Variants in PSD3 observed in about 807,000 individuals in gnomAD.
PSD3 encodes pleckstrin and Sec7 domain containing 3, also known as PH and SEC7 domain-containing protein 3.
Under a neutral mutation model 105.5 loss-of-function variants are expected in PSD3, and 49 were observed. The ratio of observed to expected loss-of-function variants is 0.46; its 90% CI spans 0.37 to 0.59. The LOEUF (loss-of-function observed/expected upper bound fraction) is 0.59, where lower values mean the gene tolerates loss of function less well. PSD3 is among the 20% of genes least tolerant of loss of function. The pLI, the probability that PSD3 is intolerant of heterozygous loss-of-function variation, is 0.00. For missense variants in PSD3, 1,561 were observed against 1,263.8 expected, an observed-to-expected ratio of 1.24 and a Z score of -3.57; for synonymous variants, 557 against 457.8, an observed-to-expected ratio of 1.22 and a Z score of -2.77.
In PSD3 at chr8:19,072,007, G is replaced by C. The variant is rs1051098143; in HGVS notation, c.324+12199C>G. Among the ~76,000 whole-genome samples, 5 of 152,006 alleles carry C rather than the reference G, an allele frequency of 3.3e-5. 1 individual carries two copies. Among genetic ancestry groups the C allele is most frequent in the Non-Finnish European group, 1.5e-5 (1 of 68,008 alleles). On this transcript the variant is annotated intron_variant, in intron 1 of 1. Transcript: ENST00000521475. ...TTCCAGGCGTAAGCCACCATGCCTG[G>C]TCTGCCTTCTACTTTTTAACCTTGT...
chr8:18,821,719 C>CACA (rs1563312321), intron 4 of PSD3, among the ~76,000 whole-genome samples: 1 of 20,232 alleles, frequency 4.9e-5, no homozygotes, highest in African/African-American at 9.7e-5. Flanking sequence ...ACACACACAC[C>CACA]CCAATAACAA....
chr8:18,680,123 A>C (rs995035598), intron 9 of PSD3, among the ~76,000 whole-genome samples: 2 of 152,230 alleles, frequency 1.3e-5, no homozygotes, highest in African/African-American at 4.8e-5. Context: ...GTTTTAAACC[A>C]TAAGTTAAAA....
chr8:18,748,570 G>A (rs1331138912), intron 9 of PSD3, among the ~76,000 whole-genome samples: 1 of 148,360 alleles, frequency 6.7e-6, no homozygotes, highest in Non-Finnish European at 1.5e-5. Context: ...TGAGGCAGGA[G>A]AATGGCGTGA....
chr8:18,649,698 T>G (rs1205997982), intron 10 of PSD3, among the ~76,000 whole-genome samples: 4 of 152,186 alleles, frequency 2.6e-5, no homozygotes, highest in Non-Finnish European at 5.9e-5. Context: ...AAATCTAATG[T>G]TGAATTGTAA....
chr8:19,010,576 A>G (rs935660495), intron 1 of PSD3, among the ~76,000 whole-genome samples: 7 of 152,200 alleles, frequency 4.6e-5, no homozygotes, highest in African/African-American at 1.4e-4. Flanking sequence ...AGCCACTACA[A>G]CACTACTTAA....
chr8:18,691,146 A>T (rs984395080), intron 9 of PSD3, among the ~76,000 whole-genome samples: 1 of 152,198 alleles, frequency 6.6e-6, no homozygotes, highest in African/African-American at 2.4e-5. Context: ...TGGGGGGAAA[A>T]ATCTTTAAAT....
intron 14 of PSD3, among the ~76,000 whole-genome samples, chr8:18,560,829 T>G (rs1202168058): frequency 2.0e-5 from 3 of 152,198 alleles, no homozygotes; most frequent in African/African-American, 7.2e-5. Context: ...AAACTTCATA[T>G]CGAAACTTAA....
intron 1 of PSD3, among the ~76,000 whole-genome samples, chr8:18,970,045 C>T (rs1488038008): frequency 4.9e-5 from 2 of 41,208 alleles, no homozygotes; most frequent in African/African-American, 7.4e-5. Context: ...GAAACAACCT[C>T]GGCCAGGTGC....
intron 1 of PSD3, among the ~76,000 whole-genome samples, chr8:19,059,311 T>C (rs999805332): frequency 9.9e-5 from 15 of 152,186 alleles, no homozygotes; most frequent in Non-Finnish European, 2.2e-4. Context: ...CCCCTTTACC[T>C]GCGTAGGAAG....
At chr8:18,596,360 A>C (rs867048772) in intron 12 of PSD3, among the ~76,000 whole-genome samples, 14 of 152,028 alleles carry the variant, frequency 9.2e-5, no homozygotes, top group African/African-American at 2.7e-4. Flanking sequence ...CAAAGTTAGC[A>C]CAGGAAAGAA....
At chr8:18,697,001 G>A (rs1369090221) in intron 9 of PSD3, among the ~76,000 whole-genome samples, 1 of 152,166 alleles carries the variant, frequency 6.6e-6, no homozygotes, top group East Asian at 1.9e-4. Context: ...TTGCCACTTT[G>A]CGGGGACAAC....
chr8:18,669,465 C>T (rs934328666), intron 9 of PSD3, among the ~76,000 whole-genome samples: 3 of 152,322 alleles, frequency 2.0e-5, no homozygotes, highest in African/African-American at 7.2e-5. Context: ...CACTTTGCAG[C>T]TATTATTAAG....
At chr8:18,711,514 G>C (rs775922455) in intron 9 of PSD3, among the ~76,000 whole-genome samples, 2 of 152,058 alleles carry the variant, frequency 1.3e-5, no homozygotes, top group Non-Finnish European at 2.9e-5. Flanking sequence ...AATGAACAAA[G>C]ATAAAAAAAT....
chr8:18,728,969 C>T (rs1326152053), intron 9 of PSD3, among the ~76,000 whole-genome samples: 3 of 152,150 alleles, frequency 2.0e-5, no homozygotes, highest in African/African-American at 2.4e-5. Context: ...TGGTTTCAGG[C>T]TTTCTCTGTA....
At chr8:18,972,469 C>T (rs1486789500) in intron 1 of PSD3, among the ~76,000 whole-genome samples, 2 of 152,174 alleles carry the variant, frequency 1.3e-5, no homozygotes, top group Non-Finnish European at 2.9e-5. Context: ...TTGAAGGAAT[C>T]CAACCCCGGA....
chr8:18,679,568 C>G (rs1351539083), intron 9 of PSD3, among the ~76,000 whole-genome samples: 1 of 152,184 alleles, frequency 6.6e-6, no homozygotes, highest in African/African-American at 2.4e-5. Flanking sequence ...ATAACCCCAC[C>G]AACCTCGGCA....
At chr8:18,566,871 T>C (rs1184872966) in intron 14 of PSD3, among the ~76,000 whole-genome samples, 3 of 152,232 alleles carry the variant, frequency 2.0e-5, no homozygotes, top group Non-Finnish European at 4.4e-5. Flanking sequence ...TTGGTTCCAG[T>C]GTAAGTCATC....
intron 4 of PSD3, among the ~76,000 whole-genome samples, chr8:18,815,179 C>T (rs1347732039): frequency 6.6e-6 from 1 of 152,144 alleles, no homozygotes; most frequent in East Asian, 1.9e-4. Flanking sequence ...GCTCCCACCC[C>T]CTTTTCTCTT....
intron 1 of PSD3, among the ~76,000 whole-genome samples, chr8:18,954,757 G>C (rs918828406): frequency 9.9e-5 from 15 of 152,282 alleles, no homozygotes; most frequent in Middle Eastern, 3.4e-3. Context: ...TCGCAGGCCT[G>C]CAGTGGGGGC....
Sources: gnomAD v4.1 joint callset for allele counts (sites outside exome capture counted in the v4.1 genomes callset) on GRCh38, gnomAD v4.1.1 for gene constraint, MANE v1.5 for transcripts, NCBI Gene and HGNC (gene_info 2026-07-23, HGNC 2026-07-21) for gene names.